The following PDZRN4 variants were observed in gnomAD, a reference collection of about 807,000 sequenced individuals.
PDZRN4 encodes PDZ domain-containing RING finger protein 4.
PDZRN4 carries 70 observed loss-of-function variants against 99.0 expected under a neutral mutation model. That is an observed-to-expected ratio of 0.71 (90% CI 0.58 to 0.86). The LOEUF (loss-of-function observed/expected upper bound fraction) is 0.86, where lower values mean the gene tolerates loss of function less well. Ranked by LOEUF, PDZRN4 falls within the 40% of genes least tolerant of loss-of-function variation. The pLI, the probability that PDZRN4 is intolerant of heterozygous loss-of-function variation, is 0.00. For missense variants in PDZRN4, 1,474 were observed against 1,331.2 expected (o/e 1.11, Z -1.67); for synonymous variants, 551 against 501.6 (o/e 1.10, Z -1.32).
chr12:41,191,601 T>TGAG, intron 2 of PDZRN4, 57 bp downstream of exon 2: 1 of 815,772 alleles, frequency 1.2e-6, no homozygotes, highest in Non-Finnish European at 2.1e-6. Context: ...TTAATAAGCA[T>TGAG]TACTCATTGC....
intron 3 of PDZRN4, among the ~76,000 whole-genome samples, chr12:41,267,655 C>T (rs10879924): frequency 0.1 from 14,893 of 145,018 alleles, 845 homozygotes; most frequent in East Asian, 0.18. Flanking sequence ...ATAATGAAAC[C>T]CCATCTCTAC....
chr12:41,438,182 C>T (rs571174493), intron 3 of PDZRN4, among the ~76,000 whole-genome samples: 54 of 152,268 alleles, frequency 3.5e-4, no homozygotes, highest in African/African-American at 1.1e-3. Context: ...CAGTTTTCAG[C>T]TTCCTTGCCA....
intron 3 of PDZRN4, among the ~76,000 whole-genome samples, chr12:41,214,547 G>A (rs1950909077): frequency 1.3e-5 from 2 of 151,358 alleles, no homozygotes; most frequent in Admixed American, 1.3e-4. Flanking sequence ...GAATAAATAG[G>A]TAAAAGATGA....
chr12:41,375,413 G>C (rs1000602194), intron 3 of PDZRN4, among the ~76,000 whole-genome samples: 6 of 152,000 alleles, frequency 3.9e-5, no homozygotes, highest in African/African-American at 1.4e-4. Flanking sequence ...AAGAGGAGGG[G>C]ATCTTGAATA....
In PDZRN4 at chr12:41,572,813, T is replaced by C. The variant is rs145828119; in HGVS notation, c.2034T>C (p.Leu678=). Residue 678 remains leucine, a synonymous_variant, in exon 10 of 10, where the codon CTT becomes CTC. Coordinates refer to ENST00000402685, the MANE Select transcript of PDZRN4 (RefSeq NM_001164595.2). ...LLNEELRNIE[L]ECQNIMQAHR... ...ATGAAGAACTGAGAAACATTGAGCTTGAGTGTCAGAATATCATGCAGGCTC... is the reference window on the plus strand; with the variant it reads ...ATGAAGAACTGAGAAACATTGAGCTCGAGTGTCAGAATATCATGCAGGCTC... The C allele has an allele frequency of 1.9e-6, 3 of 1,614,160 alleles. No homozygotes were observed. Among genetic ancestry groups the C allele is most frequent in the Non-Finnish European group, 2.5e-6 (3 of 1,180,012 alleles).
chr12:41,341,489 G>A (rs1565556657), intron 3 of PDZRN4, among the ~76,000 whole-genome samples: 1 of 151,744 alleles, frequency 6.6e-6, no homozygotes, highest in Non-Finnish European at 1.5e-5. Flanking sequence ...ACTATTACAT[G>A]AATCCAGTAG....
At chr12:41,372,522 T>C (rs1193602089) in intron 3 of PDZRN4, among the ~76,000 whole-genome samples, 1 of 152,118 alleles carries the variant, frequency 6.6e-6, no homozygotes, top group Non-Finnish European at 1.5e-5. Flanking sequence ...GGAACTTACA[T>C]AAAATGGAAA....
At chr12:41,489,191 T>C (rs924161280) in intron 3 of PDZRN4, among the ~76,000 whole-genome samples, 1 of 152,094 alleles carries the variant, frequency 6.6e-6, no homozygotes, top group Non-Finnish European at 1.5e-5. Context: ...AGCCAAAAGG[T>C]TGGACACCTC....
intron 3 of PDZRN4, among the ~76,000 whole-genome samples, chr12:41,404,970 G>A (rs952604240): frequency 3.3e-5 from 5 of 151,802 alleles, no homozygotes; most frequent in Admixed American, 6.6e-5. Context: ...TATACAAAAA[G>A]TAATTAAAGA....
At chr12:41,549,502 G>T (rs977042787) in intron 5 of PDZRN4, among the ~76,000 whole-genome samples, 1 of 152,254 alleles carries the variant, frequency 6.6e-6, no homozygotes, top group Non-Finnish European at 1.5e-5. Context: ...AAACTATGTA[G>T]TATCTGAGAC....
At chr12:41,206,495 T>C (rs1950851630) in intron 3 of PDZRN4, among the ~76,000 whole-genome samples, 1 of 151,566 alleles carries the variant, frequency 6.6e-6, no homozygotes. Flanking sequence ...ACCATATTAA[T>C]AAATTATTAA....
intron 8 of PDZRN4, among the ~76,000 whole-genome samples, chr12:41,567,420 A>G (rs1330973550): frequency 2.6e-5 from 4 of 152,164 alleles, no homozygotes; most frequent in Middle Eastern, 3.2e-3. Context: ...TCATAGCCCA[A>G]TTAGTAGCAT....
At chr12:41,434,506 A>C (rs920396763) in intron 3 of PDZRN4, among the ~76,000 whole-genome samples, 4 of 152,200 alleles carry the variant, frequency 2.6e-5, no homozygotes, top group African/African-American at 9.7e-5. Flanking sequence ...GAATAATTCT[A>C]TAAAGAGAAA....
intron 3 of PDZRN4, among the ~76,000 whole-genome samples, chr12:41,283,796 A>G (rs541097404): frequency 6.6e-6 from 1 of 152,370 alleles, no homozygotes; most frequent in South Asian, 2.1e-4. Context: ...AAGGCTTTCA[A>G]TAAGATTCAA....
rs536246838 is a variant in PDZRN4, at chr12:41,214,430, T to TAAAAAAAAAAAAAAAAAAAA, written c.843+20243_843+20262dup. Among the ~76,000 whole-genome samples, 33 of 34,078 alleles carry TAAAAAAAAAAAAAAAAAAAA rather than the reference T, an allele frequency of 9.7e-4. 4 individuals are homozygous for TAAAAAAAAAAAAAAAAAAAA. Among genetic ancestry groups the TAAAAAAAAAAAAAAAAAAAA allele is most frequent in the African/African-American group, 2.0e-3 (24 of 12,072 alleles). The allele number at this position is 34,078 out of a possible 152,430, so 22.4% of individuals were successfully genotyped here. ...GGCAATAGAAGGAGACCCTGTCCCCTAAAAAAAAAAAAAAAAAAAAGTTAT... is the reference window on the plus strand; with the variant it reads ...GGCAATAGAAGGAGACCCTGTCCCCTAAAAAAAAAAAAAAAAAAAAAAAAAAAAAAAAAAAAAAAAGTTAT... On this transcript the variant is annotated intron_variant, in intron 3 of 9. Transcript: ENST00000402685.
At chr12:41,411,048 A>AATATATATATATATAT (rs367970913) in intron 3 of PDZRN4, among the ~76,000 whole-genome samples, 1 of 128,364 alleles carries the variant, frequency 7.8e-6, no homozygotes, top group African/African-American at 2.9e-5. Flanking sequence ...TGAGCTTTAA[A>AATATATATATATATAT]ATATATATAT....
rs1037241436 is a variant in PDZRN4 at position 41,573,633 on chromosome 12, A to G, written c.2854A>G (p.Arg952Gly). ...AGAGGAGAGAAAGCAGCACCTGGTT[A>G]GGGCCAAAGAGCAGCGCCGTCGCCG... ...SKEERKQHLV[R>G]AKEQRRRREF... Residue 952 changes from arginine (R) to glycine (G), a missense_variant, in exon 10 of 10, where the codon AGG becomes GGG. Coordinates refer to ENST00000402685, the MANE Select transcript of PDZRN4 (RefSeq NM_001164595.2). 2 of 1,613,978 alleles carry G rather than the reference A, an allele frequency of 1.2e-6. No homozygotes were observed. Among genetic ancestry groups the G allele is most frequent in the Non-Finnish European group, 1.7e-6 (2 of 1,180,002 alleles).
chr12:41,564,053 T>C (rs972047785), intron 8 of PDZRN4, among the ~76,000 whole-genome samples: 12 of 152,186 alleles, frequency 7.9e-5, no homozygotes, highest in African/African-American at 2.9e-4. Context: ...ATCCTTTTAA[T>C]TCTGTGTGGA....
chr12:41,508,600 C>T (rs948396608), intron 4 of PDZRN4, among the ~76,000 whole-genome samples: 7 of 152,118 alleles, frequency 4.6e-5, no homozygotes, highest in Non-Finnish European at 1.0e-4. Flanking sequence ...CAGCAGGCTT[C>T]GATATTCCAA....
Sources: allele counts gnomAD v4.1 joint callset (sites outside exome capture counted in the v4.1 genomes callset), GRCh38; gene constraint gnomAD v4.1.1; transcripts MANE v1.5; gene names NCBI Gene and HGNC (gene_info 2026-07-23, HGNC 2026-07-21).